CCDC102B: variants seen among roughly 807,000 people sequenced by gnomAD.
The protein encoded by CCDC102B is coiled-coil domain containing 102B.
In CCDC102B, 75 loss-of-function variants were observed where a neutral mutation model predicts 57.4. That is an observed-to-expected ratio of 1.31 (90% CI 1.08 to 1.58). The LOEUF (loss-of-function observed/expected upper bound fraction) is 1.58, where lower values mean the gene tolerates loss of function less well. Among genes scored for constraint, CCDC102B ranks in the 40% most tolerant of loss-of-function variants. The pLI, the probability that CCDC102B is intolerant of heterozygous loss-of-function variation, is 0.00. For synonymous variants in CCDC102B, 206 were observed against 201.9 expected, an observed-to-expected ratio of 1.02 and a Z score of -0.17; for missense variants, 636 against 582.6, an observed-to-expected ratio of 1.09 and a Z score of -0.94.
intron 7 of CCDC102B, among the ~76,000 whole-genome samples, chr18:69,029,491 CAT>C (rs1321966555): frequency 5.2e-5 from 3 of 57,836 alleles, no homozygotes; most frequent in Non-Finnish European, 1.9e-4. Context: ...ATGTGTCAGA[CAT>C]GTGAGAATTT....
intron 6 of CCDC102B, among the ~76,000 whole-genome samples, chr18:68,984,421 A>G (rs1245585275): frequency 6.6e-6 from 1 of 152,148 alleles, no homozygotes; most frequent in Non-Finnish European, 1.5e-5. Context: ...TCCTACCAGA[A>G]TATGTAGTTC....
At chr18:68,911,750 TCAA>T (rs2040877865) in intron 6 of CCDC102B, among the ~76,000 whole-genome samples, 1 of 10,796 alleles carries the variant, frequency 9.3e-5, no homozygotes, top group African/African-American at 7.9e-4. Context: ...AGACTCCGTC[TCAA>T]AAAAAAAAAA....
At chr18:68,796,287 A>T (rs1314223990), upstream of CCDC102B, among the ~76,000 whole-genome samples, 1 of 152,158 alleles carries the variant, frequency 6.6e-6, no homozygotes, top group Non-Finnish European at 1.5e-5. Flanking sequence ...GCTGGATTTG[A>T]TATAGAATAG....
chr18:68,866,282 A>G (rs911014238), intron 4 of CCDC102B, among the ~76,000 whole-genome samples: 3 of 152,218 alleles, frequency 2.0e-5, no homozygotes, highest in Non-Finnish European at 4.4e-5. Context: ...TTTTTATGGC[A>G]TATTACAGAG....
At chr18:68,767,291 A>G (rs2034500602) in intron 2 of CCDC102B, among the ~76,000 whole-genome samples, 1 of 152,182 alleles carries the variant, frequency 6.6e-6, no homozygotes, top group African/African-American at 2.4e-5. Context: ...ATTAATCTTA[A>G]ATGAAGTCAT....
chr18:68,737,448 TGTG>T (rs10546668), intron 2 of CCDC102B, among the ~76,000 whole-genome samples: 126,306 of 150,536 alleles, frequency 0.84, 53,869 homozygotes, highest in Non-Finnish European at 0.93. Context: ...GACTGGCGCT[TGTG>T]GTGGTGGTGG....
chr18:68,968,931 A>G (rs953706551), intron 6 of CCDC102B, among the ~76,000 whole-genome samples: 1 of 152,150 alleles, frequency 6.6e-6, no homozygotes, highest in South Asian at 2.1e-4. Context: ...GTCAAAAATC[A>G]CCAAATTGTA....
chr18:69,018,990 C>G (rs931500961), intron 7 of CCDC102B, among the ~76,000 whole-genome samples: 1 of 152,030 alleles, frequency 6.6e-6, no homozygotes, highest in Non-Finnish European at 1.5e-5. Context: ...GTTGAAGGAA[C>G]TGTCATTTGC....
rs191749690 is a variant in CCDC102B at position 68,991,678 on chromosome 18, A to G, written c.1264-19256A>G. Among the ~76,000 whole-genome samples the G allele has an allele frequency of 2.0e-3, 311 of 152,312 alleles. 2 individuals are homozygous for G. Among genetic ancestry groups the G allele is most frequent in the Admixed American group, 8.4e-3 (129 of 15,298 alleles). On this transcript the variant is annotated intron_variant, in intron 6 of 7. Coordinates refer to ENST00000360242, the MANE Select transcript of CCDC102B (RefSeq NM_024781.3). ...AAATGCTGCATGAATGCTAAATTAT[A>G]TTTGTTAGAGTTGTGATTTAGCTAT...
chr18:68,995,352 A>C (rs758813770), intron 6 of CCDC102B, among the ~76,000 whole-genome samples: 1 of 152,170 alleles, frequency 6.6e-6, no homozygotes, highest in Non-Finnish European at 1.5e-5. Flanking sequence ...AATGGGGAGA[A>C]TGTCTCCAGG....
chr18:68,880,031 C>A (rs565289411), intron 5 of CCDC102B, among the ~76,000 whole-genome samples: 1 of 152,132 alleles, frequency 6.6e-6, no homozygotes, highest in Non-Finnish European at 1.5e-5. Flanking sequence ...TGGGATTGGG[C>A]GCTGTGGAGC....
intron 6 of CCDC102B, among the ~76,000 whole-genome samples, chr18:68,938,601 T>A (rs994371843): frequency 6.6e-6 from 1 of 151,884 alleles, no homozygotes; most frequent in Non-Finnish European, 1.5e-5. Flanking sequence ...TTCATCAATA[T>A]GAAAATTAGT....
intron 6 of CCDC102B, among the ~76,000 whole-genome samples, chr18:68,970,525 A>C (rs2050272715): frequency 6.6e-6 from 1 of 150,894 alleles, no homozygotes; most frequent in African/African-American, 2.4e-5. Context: ...TGTATTAATT[A>C]CTTTTTTTTT....
intron 1 of CCDC102B, among the ~76,000 whole-genome samples, chr18:68,821,975 TTTACTAAATG>T (rs1415251323): frequency 2.6e-5 from 4 of 152,152 alleles, no homozygotes; most frequent in African/African-American, 9.7e-5. Flanking sequence ...GTATAAAGGA[TTTACTAAATG>T]TGCTAGGTCA....
In CCDC102B at chr18:68,857,232, A is replaced by ATAT. The variant is rs2038470236; in HGVS notation, c.936+10812_936+10814dup. ...TATAAAAATATATTTATATATTTTT[A>ATAT]TATATAAATATATATTTATTATTTA... On this transcript the variant is annotated intron_variant, in intron 4 of 7. Coordinates refer to ENST00000360242, the MANE Select transcript of CCDC102B (RefSeq NM_024781.3). Among the ~76,000 whole-genome samples the ATAT allele has an allele frequency of 2.6e-4, 19 of 71,728 alleles. 4 individuals are homozygous for ATAT. The highest frequency in any genetic ancestry group is 9.2e-4 in the Admixed American group (4 of 4,338). 47.1% of individuals were successfully genotyped at this position (71,728 alleles called of 152,430 possible).
chr18:69,007,305 TAAC>T (rs893986693), intron 6 of CCDC102B, among the ~76,000 whole-genome samples: 11 of 152,192 alleles, frequency 7.2e-5, no homozygotes, highest in African/African-American at 2.7e-4. Flanking sequence ...GTTTCTCACA[TAAC>T]AAAAAATACC....
At chr18:68,904,807 A>T (rs1342627601) in intron 6 of CCDC102B, among the ~76,000 whole-genome samples, 2 of 152,190 alleles carry the variant, frequency 1.3e-5, no homozygotes, top group Non-Finnish European at 2.9e-5. Context: ...AAGGTTTTGC[A>T]TATATGAAAC....
intron 1 of CCDC102B, among the ~76,000 whole-genome samples, chr18:68,800,956 C>A (rs1031241115): frequency 6.6e-6 from 1 of 151,908 alleles, no homozygotes; most frequent in Non-Finnish European, 1.5e-5. Flanking sequence ...CATTCATTTT[C>A]TTCTTCTTTT....
At chr18:68,717,351 A>G (rs926508639) in intron 2 of CCDC102B, among the ~76,000 whole-genome samples, 2 of 152,246 alleles carry the variant, frequency 1.3e-5, no homozygotes, top group Non-Finnish European at 2.9e-5. Flanking sequence ...GAGAAAGTAT[A>G]AAACTGTAAA....
Sources: gnomAD v4.1 joint callset for allele counts (sites outside exome capture counted in the v4.1 genomes callset) on GRCh38, gnomAD v4.1.1 for gene constraint, MANE v1.5 for transcripts, NCBI Gene and HGNC (gene_info 2026-07-23, HGNC 2026-07-21) for gene names.